Variants in OR51B5 observed in about 807,000 individuals in gnomAD.
OR51B5 encodes olfactory receptor family 51 subfamily B member 5, also known as olfactory receptor 51B5.
For synonymous variants in OR51B5, 186 were observed against 144.8 expected, an observed-to-expected ratio of 1.28 and a Z score of -2.04; for missense variants, 456 against 374.6, an observed-to-expected ratio of 1.22 and a Z score of -1.79.
chr11:5,367,340 G>A (rs1464538024), intron 1 of OR51B5, among the ~76,000 whole-genome samples: 1 of 152,178 alleles, frequency 6.6e-6, no homozygotes, highest in Non-Finnish European at 1.5e-5. Flanking sequence ...AGAAAGTAAA[G>A]GAGTAAAATA....
At chr11:5,452,339 C>A (rs1422689236) in intron 1 of OR51B5, among the ~76,000 whole-genome samples, 2 of 151,598 alleles carry the variant, frequency 1.3e-5, no homozygotes, top group South Asian at 2.1e-4. Context: ...CCCGTCTCTA[C>A]TAAAACTACA....
chr11:5,458,074 T>A (rs1850987826), intron 1 of OR51B5, among the ~76,000 whole-genome samples: 1 of 152,204 alleles, frequency 6.6e-6, no homozygotes. Flanking sequence ...TAGGTTTTAT[T>A]CTAGGATTTT....
intron 1 of OR51B5, among the ~76,000 whole-genome samples, chr11:5,474,060 G>A (rs1251977786): frequency 1.3e-5 from 2 of 152,038 alleles, no homozygotes; most frequent in African/African-American, 4.8e-5. Context: ...TTTGAGATTT[G>A]ACTGATTTAA....
intron 1 of OR51B5, among the ~76,000 whole-genome samples, chr11:5,457,105 G>A (rs1850972327): frequency 6.6e-6 from 1 of 152,146 alleles, no homozygotes; most frequent in Non-Finnish European, 1.5e-5. Flanking sequence ...GTACCCCAAA[G>A]GTAGTTTTTT....
At chr11:5,386,795 G>C (rs1474684750) in intron 1 of OR51B5, among the ~76,000 whole-genome samples, 2 of 151,804 alleles carry the variant, frequency 1.3e-5, no homozygotes, top group Non-Finnish European at 2.9e-5. Flanking sequence ...AAAGAACTTA[G>C]TTAAAAATTA....
At chr11:5,450,258 A>G (rs566011685) in intron 1 of OR51B5, among the ~76,000 whole-genome samples, 3 of 152,154 alleles carry the variant, frequency 2.0e-5, no homozygotes, top group East Asian at 3.9e-4. Context: ...GCGTGGTGGC[A>G]GGCGCCTGTA....
At chr11:5,454,465 T>C in intron 1 of OR51B5, 2 of 1,494,410 alleles carry the variant, frequency 1.3e-6, no homozygotes, top group South Asian at 1.2e-5. Context: ...ATTTTGGCCA[T>C]AGGCTCTCAT....
chr11:5,341,915 T>C (rs1462416134), downstream of OR51B5, among the ~76,000 whole-genome samples: 1 of 152,204 alleles, frequency 6.6e-6, no homozygotes, highest in Non-Finnish European at 1.5e-5. Context: ...CCGTGATTCC[T>C]CTTCTCACAT....
intron 1 of OR51B5, among the ~76,000 whole-genome samples, chr11:5,414,357 G>A (rs1384611296): frequency 2.1e-5 from 3 of 140,206 alleles, no homozygotes; most frequent in East Asian, 2.0e-4. Flanking sequence ...ATTCAGACTA[G>A]GAAGAAACTG....
intron 1 of OR51B5, among the ~76,000 whole-genome samples, chr11:5,432,417 C>A (rs959671331): frequency 6.6e-6 from 1 of 152,224 alleles, no homozygotes; most frequent in African/African-American, 2.4e-5. Context: ...ATACTCTGAT[C>A]CAAAATTTTA....
At chr11:5,453,782 A>G (rs1471642275) in intron 1 of OR51B5, 1 of 1,614,166 alleles carries the variant, frequency 6.2e-7, no homozygotes, top group South Asian at 1.1e-5. Flanking sequence ...ATGCCTGTCT[A>G]ATTCAGATGT....
chr11:5,404,325 TCTAG>T (rs1419020816), intron 1 of OR51B5, among the ~76,000 whole-genome samples: 1 of 152,134 alleles, frequency 6.6e-6, no homozygotes, highest in Non-Finnish European at 1.5e-5. Context: ...AACTTTTCTG[TCTAG>T]CTAAAGGGTT....
In OR51B5 at chr11:5,399,802, G is replaced by A. The variant is rs956059449; in HGVS notation, n.85-52892C>T. ...AATGCAAGAAAGAAAAAAAAAGGAA[G>A]AAAACAAAAGAGACCACAGACAGGC... is the stretch of plus-strand genomic sequence containing the variant. On this transcript the variant is annotated intron_variant and non_coding_transcript_variant, in intron 1 of 4. Coordinates refer to the OR51B5 transcript ENST00000415970. Among the ~76,000 whole-genome samples the A allele has an allele frequency of 2.0e-5, 3 of 151,338 alleles. 1 individual carries two copies. Among genetic ancestry groups the A allele is most frequent in the South Asian group, 4.2e-4 (2 of 4,794 alleles).
chr11:5,399,373 A>C (rs960790867), intron 1 of OR51B5, among the ~76,000 whole-genome samples: 1 of 152,210 alleles, frequency 6.6e-6, no homozygotes, highest in Non-Finnish European at 1.5e-5. Flanking sequence ...TGGAGAGAAT[A>C]TTAACATTCA....
intron 1 of OR51B5, among the ~76,000 whole-genome samples, chr11:5,448,247 T>A (rs1247798460): frequency 6.6e-6 from 1 of 152,214 alleles, no homozygotes; most frequent in East Asian, 1.9e-4. Context: ...CCCTAATTTT[T>A]GTTCCTAGGT....
intron 1 of OR51B5, among the ~76,000 whole-genome samples, chr11:5,495,104 C>A (rs1255774910): frequency 2.0e-5 from 3 of 152,142 alleles, no homozygotes; most frequent in Admixed American, 2.0e-4. Context: ...TTTGTGGGAG[C>A]CCTGGAGTCC....
At chr11:5,461,706 G>A (rs983090118) in intron 1 of OR51B5, among the ~76,000 whole-genome samples, 1 of 152,206 alleles carries the variant, frequency 6.6e-6, no homozygotes, top group Non-Finnish European at 1.5e-5. Context: ...AATGCCCATG[G>A]GGATTGTGGG....
At chr11:5,499,489 A>G (rs454171) in intron 1 of OR51B5, among the ~76,000 whole-genome samples, 150,381 of 152,286 alleles carry the variant, frequency 0.99, 74,281 homozygotes, top group East Asian at 1. Flanking sequence ...TATTTTTTAT[A>G]TTCCTCTGAA....
At chr11:5,409,819 G>A (rs1850116765) in intron 1 of OR51B5, among the ~76,000 whole-genome samples, 2 of 152,122 alleles carry the variant, frequency 1.3e-5, no homozygotes, top group Non-Finnish European at 2.9e-5. Context: ...GGTCCACATA[G>A]TTTATGAAAG....
Sources: gnomAD v4.1 joint callset for allele counts (sites outside exome capture counted in the v4.1 genomes callset) on GRCh38, gnomAD v4.1.1 for gene constraint, MANE v1.5 for transcripts, NCBI Gene and HGNC (gene_info 2026-07-23, HGNC 2026-07-21) for gene names.